Variants in ATL2 observed in about 807,000 individuals in gnomAD.
ATL2 encodes the protein atlastin GTPase 2, also known as atlastin-2.
A neutral mutation model predicts 73.9 loss-of-function variants in ATL2; 31 were observed. That is an observed-to-expected ratio of 0.42 (90% CI 0.32 to 0.57). ATL2 has a LOEUF of 0.57. Among genes scored for constraint, ATL2 ranks in the 20% least tolerant of loss-of-function variants. The probability of loss-of-function intolerance (pLI) is 0.14; values close to 1 mark genes in which losing one functional copy is unlikely to be tolerated. For synonymous variants in ATL2, 291 were observed against 237.5 expected (o/e 1.23, Z -2.07); for missense variants, 738 against 702.6 (o/e 1.05, Z -0.57).
Position 38,295,660 on chromosome 2 carries a change from A to C in ATL2, c.*334T>G, listed in dbSNP as rs1573410533. 1.2e-5 allele frequency: 2 copies of C among 170,508 alleles called. No individual in the cohort carries two copies. The highest frequency in any genetic ancestry group is 5.6e-3 in the Middle Eastern group (2 of 354). 10.6% of individuals were successfully genotyped at this position (170,508 alleles called of 1,614,324 possible). A position where few individuals can be genotyped will look rare whatever the true frequency, so the allele number is the denominator to read the frequency against. On this transcript the variant is annotated 3_prime_UTR_variant, in exon 13 of 13. Transcript: ENST00000378954. ...GGGACACTGTGTTAAAGAGACTCTA[A>C]ATAGATTTCTGAAAATATTTCCCTG...
chr2:38,376,090 T>C (rs1314756781), intron 1 of ATL2: 1 of 1,458,106 alleles, frequency 6.9e-7, no homozygotes, highest in East Asian at 2.5e-5. Context: ...TATTTAATAA[T>C]AAACTCTTAT....
At chr2:38,341,188 G>T (rs1452660108) in intron 2 of ATL2, among the ~76,000 whole-genome samples, 3 of 152,186 alleles carry the variant, frequency 2.0e-5, no homozygotes, top group Non-Finnish European at 4.4e-5. Flanking sequence ...CTTAGACACA[G>T]ATAGATACAA....
Position 38,324,517 on chromosome 2 carries a change from G to T in ATL2, c.364-5498C>A, listed in dbSNP as rs1050776319. Among the ~76,000 whole-genome samples, 6 of 152,270 alleles carry T rather than the reference G, an allele frequency of 3.9e-5. No individual in the cohort carries two copies. In the South Asian group the frequency reaches 8.3e-4, roughly 21 times the overall value. On this transcript the variant is annotated intron_variant, in intron 2 of 12. Transcript: ENST00000378954. ...ATGTGAGAATACTCTGCAAGTCCTG[G>T]AACAAATTATAAAACATTTAACTTT...
intron 12 of ATL2, chr2:38,296,821 G>C: frequency 7.1e-7 from 1 of 1,405,230 alleles, no homozygotes; most frequent in Non-Finnish European, 9.5e-7. Context: ...ATACACTTTA[G>C]ATTCTTCCAT....
At chr2:38,372,467 G>A (rs757377508) in intron 1 of ATL2, among the ~76,000 whole-genome samples, 2 of 152,116 alleles carry the variant, frequency 1.3e-5, no homozygotes, top group Non-Finnish European at 2.9e-5. Context: ...CTTGAATTCT[G>A]TCATCAGAGG....
intron 1 of ATL2, among the ~76,000 whole-genome samples, chr2:38,356,212 TTTTC>T (rs1421008264): frequency 8.5e-5 from 13 of 152,056 alleles, no homozygotes; most frequent in African/African-American, 2.9e-4. Context: ...TATTTTTTAC[TTTTC>T]TTTCTTTTTT....
intron 1 of ATL2, among the ~76,000 whole-genome samples, chr2:38,370,232 G>T (rs916246452): frequency 5.4e-5 from 8 of 147,858 alleles, no homozygotes; most frequent in Non-Finnish European, 1.2e-4. Flanking sequence ...TGGGGGCCGA[G>T]GTGGGTGGAT....
intron 1 of ATL2, among the ~76,000 whole-genome samples, chr2:38,376,907 A>G (rs1173076493): frequency 6.6e-6 from 1 of 150,420 alleles, no homozygotes; most frequent in African/African-American, 2.4e-5. Context: ...CGCGCGCGCC[A>G]CTGGTTCTCC....
intron 2 of ATL2, among the ~76,000 whole-genome samples, chr2:38,342,677 T>C (rs1350134485): frequency 6.6e-6 from 1 of 152,146 alleles, no homozygotes; most frequent in Admixed American, 6.5e-5. Context: ...ACTGTAAAGG[T>C]GGCCAAAAGG....
intron 12 of ATL2, chr2:38,296,822 A>T: frequency 7.1e-7 from 1 of 1,399,366 alleles, no homozygotes; most frequent in Non-Finnish European, 9.6e-7. Context: ...TACACTTTAG[A>T]TTCTTCCATT....
intron 2 of ATL2, among the ~76,000 whole-genome samples, chr2:38,335,751 T>C (rs998011076): frequency 1.3e-5 from 2 of 152,018 alleles, no homozygotes; most frequent in Non-Finnish European, 2.9e-5. Context: ...CAATAAAAAA[T>C]AAATAATAGG....
chr2:38,320,887 G>T (rs1356994393), intron 2 of ATL2, among the ~76,000 whole-genome samples: 1 of 151,816 alleles, frequency 6.6e-6, no homozygotes, highest in Non-Finnish European at 1.5e-5. Flanking sequence ...GCTCACGCCT[G>T]TAATCCCAGC....
intron 1 of ATL2, among the ~76,000 whole-genome samples, chr2:38,372,123 GTTTTTTT>G (rs371482809): frequency 4.8e-5 from 6 of 125,198 alleles, no homozygotes; most frequent in Middle Eastern, 4.3e-3. Flanking sequence ...CATGTTAATT[GTTTTTTT>G]TTTTTTTTTT....
At chr2:38,296,633 C>T (rs1474619066) in intron 12 of ATL2, 1 of 1,605,350 alleles carries the variant, frequency 6.2e-7, no homozygotes, top group Admixed American at 1.7e-5. Context: ...ATCAGAGTGC[C>T]TCGAAGCTAA....
intron 1 of ATL2, among the ~76,000 whole-genome samples, chr2:38,345,659 T>C (rs1476311508): frequency 6.6e-6 from 1 of 152,234 alleles, no homozygotes; most frequent in East Asian, 1.9e-4. Flanking sequence ...ATGCAAAAAG[T>C]GAACTTTCCA....
Position 38,354,949 on chromosome 2 carries a change from A to C in ATL2, c.119-11437T>G, listed in dbSNP as rs556863130. Reference sequence around the variant, plus strand: ...CAAAATAAAATAGTAAAAAATATTCAATGAACCCAAAGTAAAAAATAAGAA... The same window carrying C: ...CAAAATAAAATAGTAAAAAATATTCCATGAACCCAAAGTAAAAAATAAGAA... On this transcript the variant is annotated intron_variant, in intron 1 of 12. Transcript: ENST00000378954. Among the ~76,000 whole-genome samples, 9 of 152,246 alleles carry C rather than the reference A, an allele frequency of 5.9e-5. No homozygotes were observed. The East Asian group carries it at 1.5e-3, about 26-fold the overall frequency.
chr2:38,344,144 A>C (rs1047585651), intron 1 of ATL2, among the ~76,000 whole-genome samples: 1 of 152,104 alleles, frequency 6.6e-6, no homozygotes, highest in Admixed American at 6.6e-5. Context: ...TGTCAACAGC[A>C]CCTGTTTCTG....
At chr2:38,356,303 C>CCTCCCTCAGCCTCCCAACT (rs1670664606) in intron 1 of ATL2, among the ~76,000 whole-genome samples, 1 of 151,966 alleles carries the variant, frequency 6.6e-6, no homozygotes, top group Non-Finnish European at 1.5e-5. Flanking sequence ...AAGCAATTCT[C>CCTCCCTCAGCCTCCCAACT]CTCCCTCAGC....
intron 2 of ATL2, among the ~76,000 whole-genome samples, chr2:38,325,687 C>CCAGT (rs1558411936): frequency 1.3e-4 from 10 of 75,580 alleles, no homozygotes; most frequent in Admixed American, 2.8e-4. Flanking sequence ...CACACACACA[C>CCAGT]ACACACACCA....
Sources: gnomAD v4.1 joint callset for allele counts (sites outside exome capture counted in the v4.1 genomes callset) on GRCh38, gnomAD v4.1.1 for gene constraint, MANE v1.5 for transcripts, NCBI Gene and HGNC (gene_info 2026-07-23, HGNC 2026-07-21) for gene names.